The following VTI1B variants were observed in gnomAD, a reference collection of about 807,000 sequenced individuals.
The protein encoded by VTI1B is vesicle transport through interaction with t-SNAREs homolog 1B.
Under a neutral mutation model 28.6 loss-of-function variants are expected in VTI1B, and 18 were observed. That is an observed-to-expected ratio of 0.63 (90% CI 0.43 to 0.93). The LOEUF is 0.93. Ranked by LOEUF, VTI1B falls within the 40% of genes least tolerant of loss-of-function variation. The pLI is 0.00. For synonymous variants in VTI1B, 100 were observed against 107.9 expected (o/e 0.93, Z 0.46); for missense variants, 283 against 297.0 (o/e 0.95, Z 0.35).
In VTI1B at chr14:67,674,580, T is replaced by G. The variant is rs113387865; in HGVS notation, c.-91A>C. 2.6e-5 allele frequency: 29 copies of G among 1,098,448 alleles called. No individual in the cohort carries two copies. The allele number at this position is 1,098,448 out of a possible 1,614,324, so 68.0% of individuals were successfully genotyped here. ...GGTCAGCCGCCCAGCCCAGTGGCCA[T>G]AACGGCGACCGCCGCACCACCGCCG... is the stretch of plus-strand genomic sequence containing the variant. On this transcript the variant is annotated 5_prime_UTR_variant, in exon 1 of 6. It removes an upstream start codon present in the reference 5' UTR. Transcript: ENST00000554659.
At chr14:67,665,458 G>A (rs1056460551) in intron 1 of VTI1B, among the ~76,000 whole-genome samples, 6 of 151,650 alleles carry the variant, frequency 4.0e-5, no homozygotes, top group African/African-American at 1.5e-4. Flanking sequence ...TGGTAGAGAT[G>A]GGGCCTCACT....
At chr14:67,652,803 T>C (rs2037202230) in intron 5 of VTI1B, among the ~76,000 whole-genome samples, 1 of 151,794 alleles carries the variant, frequency 6.6e-6, no homozygotes, top group South Asian at 2.1e-4. Context: ...ATATATTTCT[T>C]TTTTTTTTGA....
intron 2 of VTI1B, among the ~76,000 whole-genome samples, chr14:67,661,027 A>G (rs1010184150): frequency 6.6e-6 from 1 of 152,140 alleles, no homozygotes; most frequent in Non-Finnish European, 1.5e-5. Flanking sequence ...AAGGATGCAG[A>G]TGTGCTTCCT....
Position 67,650,887 on chromosome 14 carries a change from T to A in VTI1B, c.*498A>T. ...AACTTCCTACTCCCAGTTCACCAGA[T>A]GAATCAGAAAATCAAGCACGTGTGA... On this transcript the variant is annotated 3_prime_UTR_variant, in exon 6 of 6. Coordinates refer to ENST00000554659, the MANE Select transcript of VTI1B (RefSeq NM_006370.3). The A allele has an allele frequency of 6.2e-7, 1 of 1,614,136 alleles. No individual in the cohort carries two copies. The highest frequency in any genetic ancestry group is 1.1e-5 in the South Asian group (1 of 91,086).
At chr14:67,667,116 GA>G (rs1323446936) in intron 1 of VTI1B, among the ~76,000 whole-genome samples, 5 of 152,154 alleles carry the variant, frequency 3.3e-5, no homozygotes. Context: ...TCTCCTTTGG[GA>G]AACTGGGTGG....
chr14:67,653,470 T>G lies in VTI1B; in HGVS notation c.569A>C (p.Lys190Thr). ...RLVNTSENLS[K>T]SRKILRSMSR... is the part of the protein sequence containing the mutation. ...CATTGAACGGAGAATCTTCCGACTTTTGCTCAAGTTTTCACTTGTGTTTAC... is the reference window on the plus strand; with the variant it reads ...CATTGAACGGAGAATCTTCCGACTTGTGCTCAAGTTTTCACTTGTGTTTAC... Residue 190 changes from lysine to threonine, a missense_variant, in exon 5 of 6, where the codon AAA becomes ACA. Coordinates refer to ENST00000554659, the MANE Select transcript of VTI1B (RefSeq NM_006370.3). 1 of 1,614,108 alleles carries G rather than the reference T, an allele frequency of 6.2e-7. No individual in the cohort carries two copies. Among genetic ancestry groups the G allele is most frequent in the Non-Finnish European group, 8.5e-7 (1 of 1,179,990 alleles).
In VTI1B at chr14:67,647,292, C is replaced by G; in HGVS notation, c.*4093G>C. On this transcript the variant is annotated 3_prime_UTR_variant, in exon 6 of 6. Coordinates refer to ENST00000554659, the MANE Select transcript of VTI1B (RefSeq NM_006370.3). ...CTTTAATGCTTATCTTCTGAGATGA[C>G]AAGCATTTATTGTTTCAACTGTCCC... 1 of 344,624 alleles carries G rather than the reference C, an allele frequency of 2.9e-6. No individual in the cohort carries two copies. The highest frequency in any genetic ancestry group is 5.3e-6 in the Non-Finnish European group (1 of 190,220). 21.3% of individuals were successfully genotyped at this position (344,624 alleles called of 1,614,324 possible).
In VTI1B at chr14:67,650,414, A is replaced by T. The variant is rs1203420930; in HGVS notation, c.*971T>A. ...GCAGGATGAAAACCTCCCCCACCCA[A>T]CACCAAGCCTTTTCCTTTTCCAGAA... On this transcript the variant is annotated 3_prime_UTR_variant, in exon 6 of 6. Coordinates refer to ENST00000554659, the MANE Select transcript of VTI1B (RefSeq NM_006370.3). 2 of 366,068 alleles carry T rather than the reference A, an allele frequency of 5.5e-6. No homozygotes were observed. Among genetic ancestry groups the T allele is most frequent in the Non-Finnish European group, 1.0e-5 (2 of 199,038 alleles). 22.7% of individuals were successfully genotyped at this position (366,068 alleles called of 1,614,324 possible). A position where few individuals can be genotyped will look rare whatever the true frequency, so the allele number is the denominator to read the frequency against.
intron 5 of VTI1B, among the ~76,000 whole-genome samples, chr14:67,651,896 T>C (rs1171798513): frequency 6.6e-6 from 1 of 152,184 alleles, no homozygotes; most frequent in Non-Finnish European, 1.5e-5. Flanking sequence ...CTGCCCTATT[T>C]TTCCCTTTGC....
chr14:67,657,250 A>G (rs183252477), intron 3 of VTI1B: 1 of 152,324 alleles, frequency 6.6e-6, no homozygotes, highest in African/African-American at 2.4e-5. Flanking sequence ...GAAAGCATGT[A>G]GAAGTCTGAG....
Position 67,662,520 on chromosome 14 carries a change from A to G in VTI1B, c.131T>C (p.Leu44Ser), listed in dbSNP as rs1475992371. Reference sequence around the variant, plus strand: ...TTGCTTTTCATCAAAATCCCTGATCAATTTCTTCTTTTCTTCTAGAAAAGA... The same window carrying G: ...TTGCTTTTCATCAAAATCCCTGATCGATTTCTTCTTTTCTTCTAGAAAAGA... ...GTAGTEEKKKLIRDFDEKQQE... is the reference protein window; with the variant it reads ...GTAGTEEKKKSIRDFDEKQQE... Residue 44 changes from leucine (L) to serine (S), a missense_variant, in exon 2 of 6, where the codon TTG becomes TCG. Leu to Ser is a moderately radical substitution (Grantham distance 145). Coordinates refer to ENST00000554659, the MANE Select transcript of VTI1B (RefSeq NM_006370.3). 6.2e-7 allele frequency: 1 copy of G among 1,611,338 alleles called. No homozygotes were observed. The highest frequency in any genetic ancestry group is 8.5e-7 in the Non-Finnish European group (1 of 1,179,270).
At chr14:67,667,231 G>C (rs147317373) in intron 1 of VTI1B, among the ~76,000 whole-genome samples, 21 of 152,210 alleles carry the variant, frequency 1.4e-4, no homozygotes, top group African/African-American at 4.6e-4. Flanking sequence ...TTCCTTATGG[G>C]GATTTGAATT....
chr14:67,657,598 G>GCGCGCA (rs1555383597), intron 3 of VTI1B, among the ~76,000 whole-genome samples: 1 of 112,370 alleles, frequency 8.9e-6, no homozygotes, highest in African/African-American at 3.5e-5. Context: ...GCGCGCGCGT[G>GCGCGCA]CACACACACA....
chr14:67,659,338 A>G (rs1291385401), intron 3 of VTI1B, among the ~76,000 whole-genome samples: 1 of 152,242 alleles, frequency 6.6e-6, no homozygotes, highest in Admixed American at 6.5e-5. Flanking sequence ...TTTTCCAGGC[A>G]TACCTGAGAA....
chr14:67,657,657 T>C (rs1054840595), intron 3 of VTI1B, among the ~76,000 whole-genome samples: 2 of 151,170 alleles, frequency 1.3e-5, no homozygotes, highest in South Asian at 2.1e-4. Context: ...CACAGAGGCC[T>C]AGTACAGAGC....
chr14:67,664,173 T>C (rs989376249), intron 1 of VTI1B, among the ~76,000 whole-genome samples: 5 of 152,208 alleles, frequency 3.3e-5, no homozygotes, highest in African/African-American at 1.2e-4. Context: ...TTTGACCATT[T>C]GTGAGGGTAT....
chr14:67,673,832 TA>T (rs1219989089), intron 1 of VTI1B, among the ~76,000 whole-genome samples: 2 of 152,178 alleles, frequency 1.3e-5, no homozygotes, highest in South Asian at 2.1e-4. Context: ...TAAGGGGTAG[TA>T]AACAGTCTCA....
intron 1 of VTI1B, among the ~76,000 whole-genome samples, chr14:67,668,610 T>C (rs1251803245): frequency 1.5e-5 from 2 of 135,964 alleles, no homozygotes; most frequent in Admixed American, 1.4e-4. Context: ...TAGGTATCTA[T>C]GAAGCACCTA....
At chr14:67,661,644 A>ACCTCAGCC in intron 2 of VTI1B, among the ~76,000 whole-genome samples, 1 of 143,670 alleles carries the variant, frequency 7.0e-6, no homozygotes, top group Admixed American at 7.5e-5. Flanking sequence ...GTGATCTCCC[A>ACCTCAGCC]CCTCAGCCTC....
Sources: gnomAD v4.1 joint callset for allele counts (sites outside exome capture counted in the v4.1 genomes callset) on GRCh38, gnomAD v4.1.1 for gene constraint, MANE v1.5 for transcripts, NCBI Gene and HGNC (gene_info 2026-07-23, HGNC 2026-07-21) for gene names.